The following SCAI variants were observed in gnomAD, a reference collection of about 807,000 sequenced individuals.
SCAI encodes protein SCAI.
Under a neutral mutation model 92.2 loss-of-function variants are expected in SCAI, and 24 were observed. The ratio of observed to expected loss-of-function variants is 0.26; its 90% CI spans 0.19 to 0.37. The LOEUF is 0.37. SCAI is among the 10% of genes least tolerant of loss of function. The pLI is 1.00. For synonymous variants in SCAI, 261 were observed against 258.6 expected, an observed-to-expected ratio of 1.01 and a Z score of -0.09; for missense variants, 450 against 736.2, an observed-to-expected ratio of 0.61 and a Z score of 4.50.
intron 3 of SCAI, among the ~76,000 whole-genome samples, chr9:125,049,852 A>C (rs41422453): frequency 0.017 from 2,545 of 152,314 alleles, 72 homozygotes; most frequent in African/African-American, 0.059. Context: ...TGAGTTAAAA[A>C]GTCCAAGTAA....
At position 124,983,804 on chromosome 9, in the gene SCAI, C is replaced by T. The variant is rs571571857; in HGVS notation, c.1327-7618G>A. Among the ~76,000 whole-genome samples the T allele has an allele frequency of 9.6e-4, 147 of 152,336 alleles. 2 individuals carry two copies. The highest frequency in any genetic ancestry group is 1.5e-3 in the Non-Finnish European group (104 of 68,026). ...TAGTTAATAGCACAGGTTTTACAGT[C>T]CATTGTTTTACATTCCAACTTGGCT... On this transcript the variant is annotated intron_variant, in intron 14 of 17. Coordinates refer to ENST00000336505, the MANE Select transcript of SCAI (RefSeq NM_001144877.3).
rs889152272 is a variant in SCAI at position 125,078,420 on chromosome 9, C to T, written c.99-22413G>A. Among the ~76,000 whole-genome samples, 7 of 151,956 alleles carry T rather than the reference C, an allele frequency of 4.6e-5. No individual in the cohort carries two copies. In the East Asian group the frequency reaches 9.7e-4, roughly 21 times the overall value. The stretch of plus-strand genomic sequence containing the variant: ...GCACATGCCTGTAATCCCAGCTACT[C>T]GGGAGGCTGAGGCAGGAGAATCGCT... On this transcript the variant is annotated intron_variant, in intron 2 of 17. Transcript: ENST00000336505.
At chr9:125,017,998 G>A (rs1832796372) in intron 9 of SCAI, among the ~76,000 whole-genome samples, 1 of 151,752 alleles carries the variant, frequency 6.6e-6, no homozygotes. Context: ...GACAAAGCAA[G>A]ACTCTGTCTC....
Position 125,096,752 on chromosome 9 carries a change from G to A in SCAI, c.99-40745C>T, listed in dbSNP as rs530712973. Among the ~76,000 whole-genome samples, 176 of 152,230 alleles carry A rather than the reference G, an allele frequency of 1.2e-3. No individual in the cohort carries two copies. In the Middle Eastern group the frequency reaches 0.017, roughly 15 times the overall value. ...CCCTGCCTCTATCCCATTCTCCCAG[G>A]GTTTATCACACTCAATAACTGTACA... is the stretch of plus-strand genomic sequence containing the variant. On this transcript the variant is annotated intron_variant, in intron 2 of 17. Coordinates refer to ENST00000336505, the MANE Select transcript of SCAI (RefSeq NM_001144877.3).
intron 9 of SCAI, among the ~76,000 whole-genome samples, chr9:125,017,811 C>T (rs1832791665): frequency 6.6e-6 from 1 of 151,948 alleles, no homozygotes; most frequent in Admixed American, 6.6e-5. Flanking sequence ...GAGTTCAAGA[C>T]CAGCCTGGCC....
At chr9:125,016,070 A>T (rs1832751785) in intron 9 of SCAI, among the ~76,000 whole-genome samples, 1 of 149,288 alleles carries the variant, frequency 6.7e-6, no homozygotes, top group Non-Finnish European at 1.5e-5. Context: ...TAGGAGATAT[A>T]CCGAATGCTA....
chr9:125,126,392 G>GGT (rs3222316), intron 2 of SCAI, among the ~76,000 whole-genome samples: 5,243 of 114,988 alleles, frequency 0.046, 93 homozygotes, highest in African/African-American at 0.057. Context: ...GTGAGTTGGG[G>GGT]GTGTGTGTGT....
At chr9:124,953,199 A>G (rs897053715) in intron 17 of SCAI, among the ~76,000 whole-genome samples, 1 of 152,170 alleles carries the variant, frequency 6.6e-6, no homozygotes, top group Admixed American at 6.5e-5. Context: ...ACTGAGGCCT[A>G]TTGTTGCTAG....
intron 2 of SCAI, among the ~76,000 whole-genome samples, chr9:125,095,961 G>C (rs1034102166): frequency 4.3e-4 from 65 of 152,200 alleles, no homozygotes; most frequent in African/African-American, 1.5e-3. Context: ...ACTGCTGTCA[G>C]TGCTCTGCCC....
intron 2 of SCAI, among the ~76,000 whole-genome samples, chr9:125,126,589 TGAGA>T (rs147437849): frequency 7.0e-6 from 1 of 143,152 alleles, no homozygotes; most frequent in Non-Finnish European, 1.5e-5. Context: ...TGTGTGTGTG[TGAGA>T]GAGAGAGAGA....
intron 3 of SCAI, among the ~76,000 whole-genome samples, chr9:125,030,527 A>C (rs1369845994): frequency 6.6e-6 from 1 of 152,240 alleles, no homozygotes; most frequent in Non-Finnish European, 1.5e-5. Flanking sequence ...GAGGGTTGTT[A>C]CAGCAGCCTT....
At position 125,026,801 on chromosome 9, in the gene SCAI, C is replaced by T; in HGVS notation, c.512+11G>A. 1 of 1,265,242 alleles carries T rather than the reference C, an allele frequency of 7.9e-7. No individual in the cohort carries two copies. The highest frequency in any genetic ancestry group is 1.1e-6 in the Non-Finnish European group (1 of 880,830). The allele number at this position is 1,265,242 out of a possible 1,614,324, so 78.4% of individuals were successfully genotyped here. ...TATCCTCATCTTTCTAAAAACATAG[C>T]AGATACATACCTGTCCTCTTTATTG... On this transcript the variant is annotated intron_variant, in intron 6 of 17. Coordinates refer to ENST00000336505, the MANE Select transcript of SCAI (RefSeq NM_001144877.3).
intron 3 of SCAI, among the ~76,000 whole-genome samples, chr9:125,055,552 T>C (rs149533051): frequency 6.6e-6 from 1 of 152,320 alleles, no homozygotes; most frequent in East Asian, 1.9e-4. Flanking sequence ...TTCAATTGCA[T>C]ATGCATTTTT....
At chr9:125,028,080 G>A (rs1832997160) in intron 5 of SCAI, among the ~76,000 whole-genome samples, 1 of 152,162 alleles carries the variant, frequency 6.6e-6, no homozygotes, top group African/African-American at 2.4e-5. Context: ...ACATTATTAA[G>A]ACAAGTGAAG....
At chr9:125,021,124 A>C (rs1174878191) in intron 6 of SCAI, among the ~76,000 whole-genome samples, 1 of 152,226 alleles carries the variant, frequency 6.6e-6, no homozygotes, top group Non-Finnish European at 1.5e-5. Context: ...ACAACGGAAT[A>C]ATATAATGAT....
chr9:125,142,413 A>G (rs1278232022), intron 2 of SCAI: 2 of 417,054 alleles, frequency 4.8e-6, no homozygotes, highest in Non-Finnish European at 8.6e-6. Flanking sequence ...GGATTTCTCA[A>G]GATTTCCCAC....
intron 2 of SCAI, among the ~76,000 whole-genome samples, chr9:125,081,421 G>C (rs927536480): frequency 6.6e-6 from 1 of 152,208 alleles, no homozygotes; most frequent in African/African-American, 2.4e-5. Context: ...CTCTTGTTAT[G>C]TCTTAGCAAA....
At chr9:125,046,855 T>C (rs950319033) in intron 3 of SCAI, among the ~76,000 whole-genome samples, 3 of 151,964 alleles carry the variant, frequency 2.0e-5, no homozygotes, top group African/African-American at 4.8e-5. Flanking sequence ...CCTGGTTATA[T>C]GGACTTTGAT....
At chr9:125,097,558 A>G (rs1392437377) in intron 2 of SCAI, among the ~76,000 whole-genome samples, 1 of 152,018 alleles carries the variant, frequency 6.6e-6, no homozygotes, top group Non-Finnish European at 1.5e-5. Flanking sequence ...TGTAATCTTC[A>G]ATATATTAAT....
Sources: allele counts gnomAD v4.1 joint callset (sites outside exome capture counted in the v4.1 genomes callset), GRCh38; gene constraint gnomAD v4.1.1; transcripts MANE v1.5; gene names NCBI Gene and HGNC (gene_info 2026-07-23, HGNC 2026-07-21).